USP13: variants seen among roughly 807,000 people sequenced by gnomAD.
The protein encoded by USP13 is ubiquitin carboxyl-terminal hydrolase 13.
In USP13, 68 loss-of-function variants were observed where a neutral mutation model predicts 107.8. The observed-to-expected ratio is 0.63, with a 90% confidence interval of 0.52 to 0.77. USP13 has a LOEUF of 0.77. Ranked by LOEUF, USP13 falls within the 30% of genes least tolerant of loss-of-function variation. The pLI, the probability that USP13 is intolerant of heterozygous loss-of-function variation, is 0.00. For missense variants in USP13, 945 were observed against 1,093.3 expected, an observed-to-expected ratio of 0.86 and a Z score of 1.91; for synonymous variants, 377 against 389.5, an observed-to-expected ratio of 0.97 and a Z score of 0.38.
intron 1 of USP13, among the ~76,000 whole-genome samples, chr3:179,656,621 C>G (rs553435682): frequency 4.5e-4 from 68 of 152,366 alleles, no homozygotes; most frequent in African/African-American, 1.5e-3. Context: ...AGGTTCACCT[C>G]TCCATGGTTT....
chr3:179,785,200 G>A lies in USP13; in HGVS notation c.*1059G>A, dbSNP rs1186799820. ...ATTTGTCTGTGATTTTCCCATCTCT[G>A]AGCTCTTTATCTGCCTCCGTTTCCT... is the stretch of plus-strand genomic sequence containing the variant. On this transcript the variant is annotated 3_prime_UTR_variant, in exon 21 of 21. Transcript: ENST00000263966. 6.6e-6 allele frequency: 1 copy of A among 152,126 alleles called. No homozygotes were observed. Among genetic ancestry groups the A allele is most frequent in the Non-Finnish European group, 1.5e-5 (1 of 68,044 alleles). 9.4% of individuals were successfully genotyped at this position (152,126 alleles called of 1,614,324 possible).
At chr3:179,729,448 G>A (rs550506967) in intron 8 of USP13, among the ~76,000 whole-genome samples, 1 of 152,204 alleles carries the variant, frequency 6.6e-6, no homozygotes, top group Admixed American at 6.5e-5. Flanking sequence ...GTCGAGTCTT[G>A]TCCCTAACTG....
chr3:179,667,674 T>G (rs1317486771), intron 1 of USP13, among the ~76,000 whole-genome samples: 1 of 152,120 alleles, frequency 6.6e-6, no homozygotes, highest in African/African-American at 2.4e-5. Flanking sequence ...GAGACAGAGT[T>G]TCGCTCTTCT....
intron 8 of USP13, among the ~76,000 whole-genome samples, chr3:179,729,705 C>G (rs536809376): frequency 7.9e-4 from 120 of 152,252 alleles, no homozygotes; most frequent in African/African-American, 2.7e-3. Flanking sequence ...CTCCTGACCT[C>G]CGATGATCCA....
rs1466024659 is a variant in USP13 at position 179,789,142 on chromosome 3, G to C, written c.*5001G>C. On this transcript the variant is annotated 3_prime_UTR_variant, in exon 21 of 21. Coordinates refer to ENST00000263966, the MANE Select transcript of USP13 (RefSeq NM_003940.3). ...GTTGAGTCTGTTCAAAGCTGGGTGT[G>C]TTGAAACACTGCACAAATCCTGCCA... The C allele has an allele frequency of 6.6e-6, 1 of 152,150 alleles. No homozygotes were observed. The highest frequency in any genetic ancestry group is 6.5e-5 in the Admixed American group (1 of 15,276). The allele number at this position is 152,150 out of a possible 1,614,324, so 9.4% of individuals were successfully genotyped here. A position where few individuals can be genotyped will look rare whatever the true frequency, so the allele number is the denominator to read the frequency against.
chr3:179,720,323 G>A (rs1416203519), intron 7 of USP13, among the ~76,000 whole-genome samples: 2 of 152,204 alleles, frequency 1.3e-5, no homozygotes, highest in Admixed American at 6.5e-5. Context: ...GGGCAGTCGT[G>A]TGAATCATTC....
intron 16 of USP13, 128 bp downstream of exon 16, chr3:179,757,206 C>A: frequency 1.9e-6 from 2 of 1,053,232 alleles, no homozygotes; most frequent in Non-Finnish European, 2.9e-6. Flanking sequence ...CAGGTGGGAA[C>A]GGCTCTGTGT....
At chr3:179,688,752 A>G (rs1391089522) in intron 2 of USP13, among the ~76,000 whole-genome samples, 1 of 152,226 alleles carries the variant, frequency 6.6e-6, no homozygotes, top group Non-Finnish European at 1.5e-5. Flanking sequence ...AAAGGACACC[A>G]TACAATTCTG....
intron 16 of USP13, among the ~76,000 whole-genome samples, chr3:179,760,747 G>A (rs2108534257): frequency 6.6e-6 from 1 of 152,320 alleles, no homozygotes; most frequent in South Asian, 2.1e-4. Context: ...TTTTAGGCCT[G>A]TAGATAGAGC....
intron 4 of USP13, 61 bp downstream of exon 4, chr3:179,701,190 G>C: frequency 9.1e-7 from 1 of 1,097,662 alleles, no homozygotes; most frequent in African/African-American, 1.7e-5. Context: ...GTGTGTGTGC[G>C]TGTGCGATGT....
chr3:179,697,459 T>G (rs1301279630), intron 3 of USP13, among the ~76,000 whole-genome samples: 1 of 152,186 alleles, frequency 6.6e-6, no homozygotes, highest in Non-Finnish European at 1.5e-5. Flanking sequence ...TCACTGTCCT[T>G]CATAGCTTAG....
intron 4 of USP13, among the ~76,000 whole-genome samples, chr3:179,705,981 C>T (rs1712699068): frequency 1.3e-5 from 2 of 152,200 alleles, no homozygotes; most frequent in Non-Finnish European, 2.9e-5. Flanking sequence ...TCTCGGCCTC[C>T]CAAAGTGCTA....
chr3:179,669,935 C>T (rs1720701516), intron 1 of USP13, among the ~76,000 whole-genome samples: 1 of 152,190 alleles, frequency 6.6e-6, no homozygotes, highest in South Asian at 2.1e-4. Flanking sequence ...GGCTTTGCTT[C>T]TGCCCAGTGT....
At chr3:179,718,087 C>T (rs1242112460) in intron 6 of USP13, among the ~76,000 whole-genome samples, 1 of 152,024 alleles carries the variant, frequency 6.6e-6, no homozygotes, top group African/African-American at 2.4e-5. Context: ...CTTGGACAGT[C>T]TGTCTTATAC....
chr3:179,675,705 G>A (rs978781733), intron 1 of USP13, among the ~76,000 whole-genome samples: 4 of 151,866 alleles, frequency 2.6e-5, no homozygotes, highest in African/African-American at 7.3e-5. Context: ...GTTCCGCCAC[G>A]CCTGGCTAAT....
intron 19 of USP13, among the ~76,000 whole-genome samples, chr3:179,774,690 C>T (rs1396359090): frequency 1.3e-5 from 2 of 152,204 alleles, no homozygotes; most frequent in Non-Finnish European, 2.9e-5. Context: ...AAGAACAAAC[C>T]TTCCACAGTT....
At chr3:179,657,101 G>C (rs1720288042) in intron 1 of USP13, among the ~76,000 whole-genome samples, 1 of 152,166 alleles carries the variant, frequency 6.6e-6, no homozygotes, top group African/African-American at 2.4e-5. Context: ...CTGAGCCCCA[G>C]TTTCTCCATC....
intron 2 of USP13, among the ~76,000 whole-genome samples, chr3:179,687,712 AC>A (rs1463971144): frequency 7.1e-6 from 1 of 141,212 alleles, no homozygotes; most frequent in Non-Finnish European, 1.5e-5. Flanking sequence ...TTCCTGACTA[AC>A]CTTCCTTCCC....
At chr3:179,711,669 G>A (rs778801036) in intron 6 of USP13, among the ~76,000 whole-genome samples, 6 of 152,042 alleles carry the variant, frequency 3.9e-5, no homozygotes, top group Admixed American at 6.6e-5. Flanking sequence ...ACCTCCACAG[G>A]TTGTCCCACT....
Sources: allele counts gnomAD v4.1 joint callset (sites outside exome capture counted in the v4.1 genomes callset), GRCh38; gene constraint gnomAD v4.1.1; transcripts MANE v1.5; gene names NCBI Gene and HGNC (gene_info 2026-07-23, HGNC 2026-07-21).